DENND4C: variants seen among roughly 807,000 people sequenced by gnomAD.
DENND4C encodes the protein DENN domain containing 4C, also known as DENN domain-containing protein 4C.
In DENND4C, 108 loss-of-function variants were observed where a neutral mutation model predicts 203.0. That is an observed-to-expected ratio of 0.53 (90% CI 0.46 to 0.62). The LOEUF (loss-of-function observed/expected upper bound fraction) is 0.62, where lower values mean the gene tolerates loss of function less well. Ranked by LOEUF, DENND4C falls within the 20% of genes least tolerant of loss-of-function variation. DENND4C has a pLI of 0.00. For synonymous variants in DENND4C, 871 were observed against 792.4 expected, an observed-to-expected ratio of 1.10 and a Z score of -1.67; for missense variants, 2,481 against 2,301.2, an observed-to-expected ratio of 1.08 and a Z score of -1.60.
intron 9 of DENND4C, among the ~76,000 whole-genome samples, chr9:19,304,713 C>CTT (rs766700841): frequency 2.3e-5 from 3 of 133,182 alleles, no homozygotes; most frequent in Non-Finnish European, 1.6e-5. Flanking sequence ...ATTTTTTGTA[C>CTT]TTTTTTTTTT....
intron 27 of DENND4C, 53 bp from the exon 28 acceptor site, chr9:19,357,912 T>C: frequency 7.1e-7 from 1 of 1,403,522 alleles, no homozygotes; most frequent in South Asian, 1.4e-5. Context: ...GCTCTACAGA[T>C]TTAGACTGTT....
intron 5 of DENND4C, among the ~76,000 whole-genome samples, chr9:19,292,113 C>G (rs1004274579): frequency 1.3e-5 from 2 of 152,072 alleles, no homozygotes; most frequent in African/African-American, 4.8e-5. Flanking sequence ...CAACCTCCAC[C>G]TACCAGGTTC....
chr9:19,326,118 A>G lies in DENND4C; in HGVS notation c.2044A>G (p.Lys682Glu). ...ATTGATAGAACTAGATGATTCACAGAAAAGTGAGCATACTGTATTTATAAT... is the reference window on the plus strand; with the variant it reads ...ATTGATAGAACTAGATGATTCACAGGAAAGTGAGCATACTGTATTTATAAT... The part of the protein sequence containing the change: ...TRLIELDDSQ[K>E]SEHTVFIMPP... The change falls in exon 15 of 33, where the codon AAA (lysine) becomes GAA (glutamate). Residue 682 changes from lysine to glutamate, a missense_variant. Lys to Glu is a moderately conservative substitution (Grantham distance 56). This residue lies in a region of DENND4C where 2,289 missense variants were observed against 2,113.3 expected (regional missense o/e 1.08). Coordinates refer to ENST00000434457, the MANE Select transcript of DENND4C (RefSeq NM_001330640.2). 6.2e-7 allele frequency: 1 copy of G among 1,613,326 alleles called. No individual in the cohort carries two copies. Among genetic ancestry groups the G allele is most frequent in the Non-Finnish European group, 8.5e-7 (1 of 1,179,690 alleles).
chr9:19,356,818 T>TGA (rs927471173), intron 26 of DENND4C, among the ~76,000 whole-genome samples, 154 bp from the exon 27 acceptor site: 1 of 113,052 alleles, frequency 8.8e-6, no homozygotes, highest in Non-Finnish European at 1.8e-5. Flanking sequence ...AGAGAGAGAG[T>TGA]GAGAGTGTAT....
chr9:19,348,099 A>G (rs1254871268), intron 23 of DENND4C, among the ~76,000 whole-genome samples: 2 of 152,226 alleles, frequency 1.3e-5, no homozygotes, highest in African/African-American at 4.8e-5. Flanking sequence ...AGGTACTGTT[A>G]TAAGCTATAT....
At chr9:19,235,706 G>A (rs972550980) in intron 1 of DENND4C, among the ~76,000 whole-genome samples, 4 of 145,366 alleles carry the variant, frequency 2.8e-5, no homozygotes, top group African/African-American at 1.0e-4. Flanking sequence ...CTCCTCCCGG[G>A]TTCATGCCAT....
Position 19,346,841 on chromosome 9 carries a change from C to T in DENND4C, c.4072C>T (p.Arg1358Cys), listed in dbSNP as rs764145261. The stretch of plus-strand genomic sequence containing the variant: ...GTCCAGGTCTAAAACTTTTACTGGG[C>T]GTTTCAAGCAGCAAACCCCCTCTCG... ...AVSRSKTFTG[R>C]FKQQTPSRTH... The change falls in exon 23 of 33, where the codon CGT (arginine) becomes TGT (cysteine). Residue 1358 changes from arginine to cysteine, a missense_variant. Coordinates refer to ENST00000434457, the MANE Select transcript of DENND4C (RefSeq NM_001330640.2). 1.4e-5 allele frequency: 23 copies of T among 1,614,038 alleles called. No individual in the cohort carries two copies. Among genetic ancestry groups the T allele is most frequent in the South Asian group, 2.2e-5 (2 of 91,080 alleles).
chr9:19,235,934 T>A (rs576773226), intron 1 of DENND4C, among the ~76,000 whole-genome samples: 8 of 152,148 alleles, frequency 5.3e-5, no homozygotes, highest in African/African-American at 1.7e-4. Context: ...AATATTTTAA[T>A]TTGTTTTTGT....
intron 1 of DENND4C, among the ~76,000 whole-genome samples, chr9:19,250,380 G>T (rs1826258986): frequency 6.6e-6 from 1 of 152,146 alleles, no homozygotes; most frequent in Non-Finnish European, 1.5e-5. Context: ...GGAGGTGGAG[G>T]TTGCAGTGAG....
chr9:19,238,705 G>A (rs1242699505), intron 1 of DENND4C, among the ~76,000 whole-genome samples: 1 of 133,366 alleles, frequency 7.5e-6, no homozygotes, highest in Non-Finnish European at 1.6e-5. Context: ...CCAGGCTGGA[G>A]TGCAATGATG....
intron 2 of DENND4C, among the ~76,000 whole-genome samples, chr9:19,277,822 A>C (rs1048783717): frequency 6.6e-6 from 1 of 152,186 alleles, no homozygotes; most frequent in African/African-American, 2.4e-5. Context: ...CATGTTGAGG[A>C]AATGTTCTTC....
At chr9:19,277,777 A>G (rs1833179411) in intron 2 of DENND4C, among the ~76,000 whole-genome samples, 1 of 152,140 alleles carries the variant, frequency 6.6e-6, no homozygotes, top group African/African-American at 2.4e-5. Flanking sequence ...ATTGAGTATG[A>G]TGTTAACTGT....
intron 1 of DENND4C, among the ~76,000 whole-genome samples, chr9:19,241,138 G>C (rs1245404143): frequency 6.6e-6 from 1 of 152,148 alleles, no homozygotes; most frequent in African/African-American, 2.4e-5. Context: ...GAAGGCCTAG[G>C]ATATTACTGT....
chr9:19,247,471 T>C (rs1039184218), intron 1 of DENND4C, among the ~76,000 whole-genome samples: 2 of 152,188 alleles, frequency 1.3e-5, no homozygotes, highest in African/African-American at 4.8e-5. Context: ...TTATAGCTCA[T>C]TGTAACCTTG....
chr9:19,261,286 A>T (rs965485910), intron 1 of DENND4C, among the ~76,000 whole-genome samples: 1 of 151,608 alleles, frequency 6.6e-6, no homozygotes, highest in Non-Finnish European at 1.5e-5. Flanking sequence ...TTGAAGTCAG[A>T]TAATGTGATT....
At chr9:19,334,276 C>A (rs1204622391) in intron 17 of DENND4C, among the ~76,000 whole-genome samples, 2 of 152,066 alleles carry the variant, frequency 1.3e-5, no homozygotes, top group African/African-American at 4.8e-5. Context: ...ATCTCGAACT[C>A]CTGACCTCAG....
chr9:19,264,747 A>G (rs1449903763), intron 1 of DENND4C, among the ~76,000 whole-genome samples: 1 of 151,406 alleles, frequency 6.6e-6, no homozygotes, highest in Non-Finnish European at 1.5e-5. Flanking sequence ...CAAAACACCA[A>G]GTTTTTTTTT....
At chr9:19,270,948 A>T (rs1313511421) in intron 1 of DENND4C, among the ~76,000 whole-genome samples, 5 of 152,216 alleles carry the variant, frequency 3.3e-5, no homozygotes, top group Non-Finnish European at 5.9e-5. Flanking sequence ...TGAATAATTG[A>T]ATTAAAAATA....
Position 19,324,657 on chromosome 9 carries a change from T to C in DENND4C, c.1953+150T>C, listed in dbSNP as rs1027094998. 1.3e-5 allele frequency: 10 copies of C among 779,284 alleles called. No homozygotes were observed. The Admixed American group carries it at 3.2e-4, about 25-fold the overall frequency. 48.3% of individuals were successfully genotyped at this position (779,284 alleles called of 1,614,324 possible). A position where few individuals can be genotyped will look rare whatever the true frequency, so the allele number is the denominator to read the frequency against. ...TGTGTTACCGATTCTGGGCTGAATA[T>C]ATGAATAAAATTCTTTGTGGTTTCA... On this transcript the variant is annotated intron_variant, in intron 13 of 32. Coordinates refer to ENST00000434457, the MANE Select transcript of DENND4C (RefSeq NM_001330640.2).
Sources: allele counts gnomAD v4.1 joint callset (sites outside exome capture counted in the v4.1 genomes callset), GRCh38; gene constraint gnomAD v4.1.1; regional missense constraint gnomAD v4.1.1; transcripts MANE v1.5; gene names NCBI Gene and HGNC (gene_info 2026-07-23, HGNC 2026-07-21).